HDX: variants seen among roughly 807,000 people sequenced by gnomAD.
HDX encodes the protein chromosome X open reading frame 43.
A neutral mutation model predicts 45.2 loss-of-function variants in HDX; 19 were observed. That is an observed-to-expected ratio of 0.42 (90% CI 0.29 to 0.62). HDX has a LOEUF of 0.62. HDX is among the 20% of genes least tolerant of loss of function. The pLI, the probability that HDX is intolerant of heterozygous loss-of-function variation, is 0.20. For missense variants in HDX, 532 were observed against 493.9 expected (o/e 1.08, Z -0.73); for synonymous variants, 188 against 172.8 (o/e 1.09, Z -0.69).
In HDX at chrX:84,372,704, C is replaced by T. The variant is rs188733052; in HGVS notation, c.1306-11092G>A. Among the ~76,000 whole-genome samples the T allele has an allele frequency of 2.0e-3, 229 of 111,947 alleles. 1 individual carries two copies. Among genetic ancestry groups the T allele is most frequent in the African/African-American group, 7.2e-3 (222 of 30,866 alleles). On this transcript the variant is annotated intron_variant, in intron 5 of 10. Transcript: ENST00000373177. ...GAGAATTGTTCTTGTAAAATGTAAA[C>T]TCCCAAAGGTTTATCATAGATATGA...
intron 4 of HDX, among the ~76,000 whole-genome samples, chrX:84,443,809 C>A (rs1479961069): frequency 8.9e-6 from 1 of 111,955 alleles, no homozygotes; most frequent in East Asian, 2.8e-4. Context: ...AAACTTTTGA[C>A]AAAATCGAAC....
chrX:84,357,333 A>C (rs2037511110), intron 6 of HDX, among the ~76,000 whole-genome samples: 1 of 111,563 alleles, frequency 9.0e-6, no homozygotes, highest in Admixed American at 9.6e-5. Context: ...CAACTGGGAA[A>C]GGGTTTAAAG....
rs764634031 is a variant in HDX, at chrX:84,333,651, C to T, written c.1824+108G>A. ...TTCAAGTAGCCAGAAAGAATTAATG[C>T]AGAGCCTTAGAATGCTTAACTTATT... On this transcript the variant is annotated intron_variant, in intron 9 of 10. Coordinates refer to ENST00000373177, the MANE Select transcript of HDX (RefSeq NM_001177479.2). 57 of 396,959 alleles carry T rather than the reference C, an allele frequency of 1.4e-4. No individual in the cohort carries two copies. In the South Asian group the frequency reaches 1.9e-3, roughly 14 times the overall value. The allele number at this position is 396,959 out of a possible 1,213,427, so 32.7% of individuals were successfully genotyped here. A position where few individuals can be genotyped will look rare whatever the true frequency, so the allele number is the denominator to read the frequency against.
intron 4 of HDX, among the ~76,000 whole-genome samples, chrX:84,465,380 T>C (rs1001046519): frequency 8.9e-6 from 1 of 112,339 alleles, no homozygotes; most frequent in Non-Finnish European, 1.9e-5. Flanking sequence ...CATATGTTTA[T>C]TGCAGCACTA....
At position 84,341,899 on chromosome X, in the gene HDX, C is replaced by A. The variant is rs1390851130; in HGVS notation, c.1660+2351G>T. On this transcript the variant is annotated intron_variant, in intron 7 of 10. Transcript: ENST00000373177. ...GGCATGCCACTGCACCCGACTCTTT[C>A]CTTGATTTTAGGAAAAGCATACTGT... Among the ~76,000 whole-genome samples the A allele has an allele frequency of 2.7e-5, 3 of 110,218 alleles. No individual in the cohort carries two copies. In the East Asian group the frequency reaches 8.7e-4, roughly 32 times the overall value.
At chrX:84,462,678 A>G (rs2040264753) in intron 4 of HDX, among the ~76,000 whole-genome samples, 2 of 110,935 alleles carry the variant, frequency 1.8e-5, no homozygotes, top group South Asian at 7.4e-4. Context: ...TGTTCTATTA[A>G]TAAAAAATTA....
intron 2 of HDX, among the ~76,000 whole-genome samples, chrX:84,483,931 A>G (rs774695864): frequency 1.4e-4 from 15 of 110,747 alleles, no homozygotes; most frequent in Non-Finnish European, 2.6e-4. Context: ...AGTGACCTAT[A>G]CTCCAGTTTC....
intron 5 of HDX, among the ~76,000 whole-genome samples, chrX:84,427,146 A>G (rs1338798293): frequency 1.8e-5 from 2 of 110,683 alleles, no homozygotes; most frequent in Non-Finnish European, 3.8e-5. Context: ...TTGAAATCAA[A>G]TATGTATTTT....
chrX:84,430,074 T>C (rs2039467468), intron 5 of HDX, among the ~76,000 whole-genome samples: 1 of 110,522 alleles, frequency 9.0e-6, no homozygotes, highest in African/African-American at 3.3e-5. Flanking sequence ...TAACTAATTT[T>C]TAACCATAGT....
intron 5 of HDX, among the ~76,000 whole-genome samples, chrX:84,409,521 C>T (rs996930485): frequency 3.7e-5 from 4 of 108,628 alleles, no homozygotes; most frequent in Admixed American, 9.9e-5. Context: ...GGCACATATA[C>T]ACCATGGAAT....
chrX:84,459,823 CAAAT>C (rs963619256), intron 4 of HDX, among the ~76,000 whole-genome samples: 4 of 110,875 alleles, frequency 3.6e-5, no homozygotes, highest in African/African-American at 1.3e-4. Flanking sequence ...AGAGAAGACT[CAAAT>C]AAACAAAATC....
At chrX:84,412,642 G>C (rs1321992011) in intron 5 of HDX, among the ~76,000 whole-genome samples, 1 of 110,822 alleles carries the variant, frequency 9.0e-6, no homozygotes, top group African/African-American at 3.3e-5. Flanking sequence ...TGATGACTGC[G>C]TGTCTTTGGG....
intron 2 of HDX, among the ~76,000 whole-genome samples, chrX:84,485,232 T>G (rs1355457524): frequency 1.3e-4 from 15 of 111,997 alleles, no homozygotes; most frequent in Non-Finnish European, 7.5e-5. Context: ...TGGGTGGTCA[T>G]TTCTAAAAAT....
At chrX:84,467,111 A>T in intron 4 of HDX, among the ~76,000 whole-genome samples, 1 of 111,491 alleles carries the variant, frequency 9.0e-6, no homozygotes, top group Non-Finnish European at 1.9e-5. Flanking sequence ...CATAAAAATG[A>T]GTCAATTATC....
At chrX:84,427,003 C>T (rs190867931) in intron 5 of HDX, among the ~76,000 whole-genome samples, 2 of 110,753 alleles carry the variant, frequency 1.8e-5, no homozygotes, top group Admixed American at 1.9e-4. Flanking sequence ...TGTACAACAT[C>T]ATGCCTATAA....
chrX:84,463,585 CAAT>C (rs1226920070), intron 4 of HDX, among the ~76,000 whole-genome samples: 1 of 111,305 alleles, frequency 9.0e-6, no homozygotes, highest in Admixed American at 9.6e-5. Flanking sequence ...TATCAAGCCA[CAAT>C]AATAACTGAA....
intron 5 of HDX, among the ~76,000 whole-genome samples, chrX:84,374,335 C>A (rs1279605390): frequency 1.8e-5 from 2 of 108,717 alleles, no homozygotes; most frequent in South Asian, 8.0e-4. Context: ...CCATACTGCC[C>A]AAGGTAATTT....
At chrX:84,349,401 A>ATGTG (rs1266038229) in intron 6 of HDX, among the ~76,000 whole-genome samples, 53 of 88,114 alleles carry the variant, frequency 6.0e-4, no homozygotes, top group African/African-American at 1.4e-3. Context: ...TTATATATAT[A>ATGTG]TATGTGTGTG....
intron 5 of HDX, among the ~76,000 whole-genome samples, chrX:84,368,996 G>T (rs1318502745): frequency 2.7e-5 from 3 of 110,563 alleles, no homozygotes; most frequent in African/African-American, 9.9e-5. Flanking sequence ...ATGCTCATTT[G>T]CCTGCTGCTC....
Sources: allele counts gnomAD v4.1 joint callset (sites outside exome capture counted in the v4.1 genomes callset), GRCh38; gene constraint gnomAD v4.1.1; transcripts MANE v1.5; gene names NCBI Gene and HGNC (gene_info 2026-07-23, HGNC 2026-07-21).